CACNA1B: variants seen among roughly 807,000 people sequenced by gnomAD.
The protein encoded by CACNA1B is calcium voltage-gated channel subunit alpha1 B.
In CACNA1B, 70 loss-of-function variants were observed where a neutral mutation model predicts 247.2. The ratio of observed to expected loss-of-function variants is 0.28; its 90% CI spans 0.23 to 0.35. The LOEUF (loss-of-function observed/expected upper bound fraction) is 0.35, where lower values mean the gene tolerates loss of function less well. Among genes scored for constraint, CACNA1B ranks in the 10% least tolerant of loss-of-function variants. The pLI is 1.00. For missense variants in CACNA1B, 2,367 were observed against 3,197.4 expected (o/e 0.74, Z 6.26); for synonymous variants, 1,231 against 1,294.4 (o/e 0.95, Z 1.05).
chr9:138,023,608 C>T lies in CACNA1B; in HGVS notation c.2865C>T (p.Arg955=), dbSNP rs1958879444. 5 of 1,129,826 alleles carry T rather than the reference C, an allele frequency of 4.4e-6. No homozygotes were observed. The South Asian group carries it at 1.7e-4, about 38-fold the overall frequency. 70.0% of individuals were successfully genotyped at this position (1,129,826 alleles called of 1,614,324 possible). Residue 955 remains arginine (R), a synonymous_variant, in exon 19 of 47, where the codon CGC becomes CGT. Coordinates refer to ENST00000371372, the MANE Select transcript of CACNA1B (RefSeq NM_000718.4). ...KECAGAKGER[R]ARHRGGPRAG... ...GCGCCGGCGCCAAGGGCGAGCGGCG[C>T]GCGCGGCACCGCGGCGGCCCCCGAG...
At chr9:137,887,349 C>T (rs1189247369) in intron 3 of CACNA1B, among the ~76,000 whole-genome samples, 2 of 151,086 alleles carry the variant, frequency 1.3e-5, no homozygotes, top group Non-Finnish European at 2.9e-5. Context: ...GGCAGAGTGA[C>T]AGGGGCAGGG....
At chr9:138,071,882 G>T (rs996950426) in intron 32 of CACNA1B, among the ~76,000 whole-genome samples, 5 of 152,018 alleles carry the variant, frequency 3.3e-5, no homozygotes, top group African/African-American at 1.2e-4. Context: ...CAAGGTTTCA[G>T]AGTGGGAGCC....
rs760984593 is a variant in CACNA1B, at chr9:138,120,796, G to A, written c.6404G>A (p.Gly2135Asp). ...TTCTACTCCTGCGACCGCTTTGGGG[G>A]CCGTGAGCCCCCGAAGCCCAAGCCC... ...QRFYSCDRFG[G>D]REPPKPKPSL... is the part of the protein sequence containing the mutation. Residue 2135 changes from glycine to aspartate, a missense_variant, in exon 46 of 47, where the codon GGC (glycine) becomes GAC (aspartate). This residue lies in a region of CACNA1B where 773 missense variants were observed against 779.4 expected (regional missense o/e 0.99). Transcript: ENST00000371372. 1.3e-6 allele frequency: 2 copies of A among 1,557,070 alleles called. No homozygotes were observed. Among genetic ancestry groups the A allele is most frequent in the South Asian group, 1.2e-5 (1 of 84,484 alleles).
intron 34 of CACNA1B, 141 bp from the exon 35 acceptor site, chr9:138,075,678 G>C (rs989138586): frequency 1.6e-4 from 100 of 625,598 alleles, no homozygotes; most frequent in Non-Finnish European, 2.7e-4. Context: ...GCCTCTCCCG[G>C]GTGGGAGTTC....
At position 138,010,188 on chromosome 9, in the gene CACNA1B, G is replaced by A. The variant is rs7040050; in HGVS notation, c.2160+111G>A. 0.22 allele frequency: 171,448 copies of A among 788,228 alleles called. 25,190 individuals carry two copies. The highest frequency in any genetic ancestry group is 0.63 in the East Asian group (23,574 of 37,666). The allele number at this position is 788,228 out of a possible 1,614,324, so 48.8% of individuals were successfully genotyped here. ...GCCTCGTGTCCAGGAGCGTTGCCTT[G>A]GGTCCTGGCGGGCAGAGGCTGGTCT... On this transcript the variant is annotated intron_variant, in intron 17 of 46. Coordinates refer to ENST00000371372, the MANE Select transcript of CACNA1B (RefSeq NM_000718.4). The surrounding 1 kb of genome is among the most constrained non-coding windows in gnomAD (Gnocchi z 5.3).
chr9:137,934,856 G>A (rs1321135874), intron 6 of CACNA1B, among the ~76,000 whole-genome samples: 1 of 152,094 alleles, frequency 6.6e-6, no homozygotes, highest in Non-Finnish European at 1.5e-5. Context: ...CCTTCCCTCT[G>A]ACAGAGCCTA....
At chr9:138,066,510 G>C (rs961761899) in intron 31 of CACNA1B, among the ~76,000 whole-genome samples, 1 of 152,144 alleles carries the variant, frequency 6.6e-6, no homozygotes. Flanking sequence ...GAAGGAGAGA[G>C]ACAAGTGCTG....
chr9:137,986,744 C>T lies in CACNA1B; in HGVS notation c.1902-38C>T, dbSNP rs571519445. On this transcript the variant is annotated intron_variant, in intron 14 of 46. Coordinates refer to ENST00000371372, the MANE Select transcript of CACNA1B (RefSeq NM_000718.4). This position sits in a 1 kb window ranked among gnomAD's most constrained non-coding sequence, Gnocchi z 6.0. ...CCTGCAGGCGCTGCCTCGCTGCTGA[C>T]GGGACTGCCACTTCCCAAGCCTTCC... 29 of 1,551,098 alleles carry T rather than the reference C, an allele frequency of 1.9e-5. No individual in the cohort carries two copies. The highest frequency in any genetic ancestry group is 2.2e-5 in the East Asian group (1 of 44,504).
Position 137,919,508 on chromosome 9 carries a change from G to A in CACNA1B, c.966+2077G>A, listed in dbSNP as rs114956992. Among the ~76,000 whole-genome samples, 4,000 of 152,322 alleles carry A rather than the reference G, an allele frequency of 0.026. 65 individuals carry two copies. Among genetic ancestry groups the A allele is most frequent in the Middle Eastern group, 0.085 (25 of 294 alleles). On this transcript the variant is annotated intron_variant, in intron 6 of 46. Coordinates refer to ENST00000371372, the MANE Select transcript of CACNA1B (RefSeq NM_000718.4). The surrounding 1 kb of genome is among the most constrained non-coding windows in gnomAD (Gnocchi z 4.6). ...CAGGTAGCCAAGAACCGACCAGTCC[G>A]CTCCTCCACACTAAGGGCATACAGG...
chr9:138,019,648 G>A (rs1043863672), intron 18 of CACNA1B, among the ~76,000 whole-genome samples: 1 of 152,076 alleles, frequency 6.6e-6, no homozygotes, highest in Admixed American at 6.5e-5. Flanking sequence ...TGCCGCCCCC[G>A]CCCTGCCCAG....
Position 137,971,462 on chromosome 9 carries a change from C to G in CACNA1B, c.1413C>G (p.Phe471Leu). 1.2e-6 allele frequency: 2 copies of G among 1,613,622 alleles called. No homozygotes were observed. The highest frequency in any genetic ancestry group is 1.7e-6 in the Non-Finnish European group (2 of 1,179,730). The change falls in exon 11 of 47, where the codon TTC becomes TTG. Residue 471 changes from phenylalanine to leucine, a missense_variant. By Grantham distance (22) the Phe-to-Leu change is conservative. This residue lies in a region of CACNA1B where 219 missense variants were observed against 297.6 expected (regional missense o/e 0.74). Coordinates refer to ENST00000371372, the MANE Select transcript of CACNA1B (RefSeq NM_000718.4). This position sits in a 1 kb window ranked among gnomAD's most constrained non-coding sequence, Gnocchi z 4.4. ...ACTTCCGGAGGAAGGAGAAGATGTTCCGGTTTTTTATCCGGCGCATGGTGA... is the reference window on the plus strand; with the variant it reads ...ACTTCCGGAGGAAGGAGAAGATGTTGCGGTTTTTTATCCGGCGCATGGTGA... ...SSYFRRKEKM[F>L]RFFIRRMVKA... is the part of the protein sequence containing the mutation.
intron 16 of CACNA1B, among the ~76,000 whole-genome samples, chr9:138,009,202 T>A (rs563266044): frequency 4.6e-5 from 7 of 152,230 alleles, no homozygotes; most frequent in Non-Finnish European, 1.0e-4. Flanking sequence ...CCGGTACCTG[T>A]GGCAGGTGCT....
intron 6 of CACNA1B, among the ~76,000 whole-genome samples, chr9:137,935,151 G>A (rs548948144): frequency 1.7e-4 from 26 of 152,138 alleles, no homozygotes; most frequent in African/African-American, 4.3e-4. Flanking sequence ...TGTGCACAAC[G>A]TGCAGATTTG....
At chr9:138,071,574 C>T (rs1247456711) in intron 32 of CACNA1B, among the ~76,000 whole-genome samples, 2 of 152,234 alleles carry the variant, frequency 1.3e-5, no homozygotes, top group Non-Finnish European at 2.9e-5. Context: ...CCAGCCTCTC[C>T]TGAGTACCCA....
In CACNA1B at chr9:138,051,359, C is replaced by T. The variant is rs1959269137; in HGVS notation, c.3711-733C>T. Among the ~76,000 whole-genome samples the T allele has an allele frequency of 6.6e-6, 1 of 151,648 alleles. No individual in the cohort carries two copies. Among genetic ancestry groups the T allele is most frequent in the Admixed American group, 6.6e-5 (1 of 15,214 alleles). On this transcript the variant is annotated intron_variant, in intron 24 of 46. Coordinates refer to ENST00000371372, the MANE Select transcript of CACNA1B (RefSeq NM_000718.4). The surrounding 1 kb of genome is among the most constrained non-coding windows in gnomAD (Gnocchi z 4.3). The stretch of plus-strand genomic sequence containing the variant: ...TGCTTGCTTCTGTGCCTGGAATTTT[C>T]TTTCCCCGACTTCCTGCCTTGCCGT...
chr9:138,045,756 A>C (rs1435576887), intron 21 of CACNA1B, among the ~76,000 whole-genome samples: 1 of 152,142 alleles, frequency 6.6e-6, no homozygotes, highest in African/African-American at 2.4e-5. Context: ...GGAAGTGGCA[A>C]GGGTTGAGGC....
intron 3 of CACNA1B, among the ~76,000 whole-genome samples, chr9:137,884,788 CAGG>C (rs1385779506): frequency 1.3e-5 from 2 of 152,008 alleles, no homozygotes; most frequent in Non-Finnish European, 2.9e-5. Flanking sequence ...GGAGAGGAGG[CAGG>C]AGGAGTTGCA....
chr9:138,052,268 A>C lies in CACNA1B; in HGVS notation c.3807+80A>C. 2.0e-6 allele frequency: 1 copy of C among 499,426 alleles called. No homozygotes were observed. Among genetic ancestry groups the C allele is most frequent in the Non-Finnish European group, 3.1e-6 (1 of 323,330 alleles). 30.9% of individuals were successfully genotyped at this position (499,426 alleles called of 1,614,324 possible). A position where few individuals can be genotyped will look rare whatever the true frequency, so the allele number is the denominator to read the frequency against. On this transcript the variant is annotated intron_variant, in intron 25 of 46. Transcript: ENST00000371372. This position sits in a 1 kb window ranked among gnomAD's most constrained non-coding sequence, Gnocchi z 5.1. ...TGTGTGCGTGTGTGTGTGTGTATGC[A>C]TGCAGTGCATGAGTGTGTGTGTGTT...
chr9:138,068,177 C>T (rs1300368063), intron 31 of CACNA1B, among the ~76,000 whole-genome samples: 1 of 152,078 alleles, frequency 6.6e-6, no homozygotes, highest in Non-Finnish European at 1.5e-5. Context: ...GAATGCATTT[C>T]CAGAGTTTCT....
Sources: allele counts gnomAD v4.1 joint callset (sites outside exome capture counted in the v4.1 genomes callset), GRCh38; gene constraint gnomAD v4.1.1; regional missense constraint gnomAD v4.1.1; non-coding constraint Gnocchi (gnomAD v3.1); transcripts MANE v1.5; gene names NCBI Gene and HGNC (gene_info 2026-07-23, HGNC 2026-07-21).